Variants in PCDHGA7 observed in about 807,000 individuals in gnomAD.
PCDHGA7 encodes the protein protocadherin gamma-A7.
PCDHGA7 carries 44 observed loss-of-function variants against 58.3 expected under a neutral mutation model. The ratio of observed to expected loss-of-function variants is 0.75; its 90% CI spans 0.59 to 0.97. The LOEUF is 0.97. Among genes scored for constraint, PCDHGA7 ranks in the 50% least tolerant of loss-of-function variants. PCDHGA7 has a pLI of 0.00. For missense variants in PCDHGA7, 1,266 were observed against 1,188.7 expected, an observed-to-expected ratio of 1.06 and a Z score of -0.96; for synonymous variants, 516 against 504.2, an observed-to-expected ratio of 1.02 and a Z score of -0.31.
In PCDHGA7 at chr5:141,432,278, A is replaced by G. The variant is rs923930127; in HGVS notation, c.2424+46955A>G. On this transcript the variant is annotated intron_variant, in intron 1 of 3. Transcript: ENST00000518325. The surrounding 1 kb of genome is among the most constrained non-coding windows in gnomAD (Gnocchi z 6.0). ...GGCAAGCCTATCGTCCTACGTGTCC[A>G]TCAACTCCGACACTGGGGTACTGTA... 3.7e-5 allele frequency: 59 copies of G among 1,614,078 alleles called. No individual in the cohort carries two copies. Among genetic ancestry groups the G allele is most frequent in the Non-Finnish European group, 4.7e-5 (55 of 1,180,036 alleles).
chr5:141,447,849 G>A (rs2154561912), intron 1 of PCDHGA7, among the ~76,000 whole-genome samples: 1 of 152,306 alleles, frequency 6.6e-6, no homozygotes, highest in East Asian at 1.9e-4. Context: ...GCTTTGGGAG[G>A]CCGAGGTGGG....
chr5:141,431,146 T>G lies in PCDHGA7; in HGVS notation c.2424+45823T>G. On this transcript the variant is annotated intron_variant, in intron 1 of 3. Coordinates refer to ENST00000518325, the MANE Select transcript of PCDHGA7 (RefSeq NM_018920.4). The surrounding 1 kb of genome is among the most constrained non-coding windows in gnomAD (Gnocchi z 4.8). The stretch of plus-strand genomic sequence containing the variant: ...TAGAAGTAAGGGACATTAACGACAA[T>G]GCGCCTTACTTTCGTGAAAGTGAAT... 6.2e-7 allele frequency: 1 copy of G among 1,614,124 alleles called. No individual in the cohort carries two copies. Among genetic ancestry groups the G allele is most frequent in the African/African-American group, 1.3e-5 (1 of 75,022 alleles).
intron 1 of PCDHGA7, chr5:141,479,750 G>T: frequency 6.6e-6 from 1 of 152,310 alleles, no homozygotes. Context: ...CAATGTGAAA[G>T]GTAGATAAAT....
intron 1 of PCDHGA7, chr5:141,422,570 A>G: frequency 6.2e-7 from 1 of 1,614,012 alleles, no homozygotes; most frequent in African/African-American, 1.3e-5. Flanking sequence ...GATGACAACG[A>G]TAACCCTCCC....
At chr5:141,419,904 C>G (rs2096446397) in intron 1 of PCDHGA7, 2 of 1,614,108 alleles carry the variant, frequency 1.2e-6, no homozygotes, top group Non-Finnish European at 1.7e-6. Flanking sequence ...CCCACACCCT[C>G]TGACTCCCAG....
chr5:141,480,402 G>A (rs1268532373), intron 1 of PCDHGA7, among the ~76,000 whole-genome samples: 2 of 145,838 alleles, frequency 1.4e-5, no homozygotes, highest in African/African-American at 2.6e-5. Flanking sequence ...GCAATAGAGT[G>A]AGACCCTGTC....
intron 1 of PCDHGA7, among the ~76,000 whole-genome samples, chr5:141,458,065 GA>G (rs541812590): frequency 3.5e-3 from 534 of 152,242 alleles, no homozygotes; most frequent in Middle Eastern, 6.8e-3. Context: ...GCACTGATGC[GA>G]ACAACTATAT....
At chr5:141,465,792 T>A (rs1262092940) in intron 1 of PCDHGA7, among the ~76,000 whole-genome samples, 2 of 152,018 alleles carry the variant, frequency 1.3e-5, no homozygotes, top group Non-Finnish European at 2.9e-5. Flanking sequence ...TTTTTTTTTT[T>A]AAGAAACCCT....
chr5:141,413,533 C>T (rs777022301), intron 1 of PCDHGA7: 1 of 1,613,934 alleles, frequency 6.2e-7, no homozygotes, highest in Admixed American at 1.7e-5. Context: ...CAGGGTGAAA[C>T]TTTTTGGGAT....
At chr5:141,478,444 T>C (rs1190996745) in intron 1 of PCDHGA7, 1 of 1,613,478 alleles carries the variant, frequency 6.2e-7, no homozygotes, top group Non-Finnish European at 8.5e-7. Flanking sequence ...TGAAGAAACC[T>C]GGTGCAGCCA....
At chr5:141,403,227 G>A (rs2094378929) in intron 1 of PCDHGA7, 4 of 1,608,848 alleles carry the variant, frequency 2.5e-6, no homozygotes, top group African/African-American at 1.3e-5. Flanking sequence ...AGGATAGACC[G>A]GGAGGAGCTC....
chr5:141,429,169 TACACACACACACACACACAC>T (rs10667977), intron 1 of PCDHGA7: 4 of 145,394 alleles, frequency 2.8e-5, no homozygotes, highest in Non-Finnish European at 6.0e-5. Flanking sequence ...ACATTGTTTA[TACACACACACACACACACAC>T]ACACACACAC....
chr5:141,398,643 C>G, intron 1 of PCDHGA7: 2 of 1,614,024 alleles, frequency 1.2e-6, no homozygotes, highest in Non-Finnish European at 1.7e-6. Context: ...AGTATAAACT[C>G]TCTCTTAACC....
chr5:141,404,676 T>G lies in PCDHGA7; in HGVS notation c.2424+19353T>G, dbSNP rs904942152. The stretch of plus-strand genomic sequence containing the variant: ...CTCCCCACTGATGGTTCTACTGGTG[T>G]GGAGCTGGCACCCCGCTCTGCAGAG... On this transcript the variant is annotated intron_variant, in intron 1 of 3. Transcript: ENST00000518325. 3.1e-6 allele frequency: 5 copies of G among 1,614,010 alleles called. No individual in the cohort carries two copies. In the African/African-American group the frequency reaches 6.7e-5, roughly 22 times the overall value.
At chr5:141,419,849 T>C in intron 1 of PCDHGA7, 1 of 1,614,040 alleles carries the variant, frequency 6.2e-7, no homozygotes, top group East Asian at 2.2e-5. Context: ...GCACCTGGTG[T>C]TCGCAGATAG....
At chr5:141,499,247 A>C (rs908111927) in intron 2 of PCDHGA7, among the ~76,000 whole-genome samples, 1 of 152,036 alleles carries the variant, frequency 6.6e-6, no homozygotes, top group Non-Finnish European at 1.5e-5. Flanking sequence ...CTCTGCACAA[A>C]GAGTCTCCAT....
intron 1 of PCDHGA7, chr5:141,410,592 T>C: frequency 1.2e-6 from 2 of 1,609,264 alleles, no homozygotes; most frequent in Non-Finnish European, 1.7e-6. Context: ...GGGGAGGATT[T>C]GACTTCACAT....
intron 2 of PCDHGA7, among the ~76,000 whole-genome samples, chr5:141,504,869 C>T (rs919109041): frequency 6.6e-6 from 1 of 152,134 alleles, no homozygotes; most frequent in Admixed American, 6.5e-5. Flanking sequence ...CCCACCTTCA[C>T]AGTCCTCTGG....
intron 1 of PCDHGA7, chr5:141,410,320 C>A (rs752279818): frequency 6.2e-7 from 1 of 1,613,998 alleles, no homozygotes; most frequent in Non-Finnish European, 8.5e-7. Context: ...TCCTCCTCGC[C>A]GTGATTCTGG....
Sources: gnomAD v4.1 joint callset for allele counts (sites outside exome capture counted in the v4.1 genomes callset) on GRCh38, gnomAD v4.1.1 for gene constraint, Gnocchi (gnomAD v3.1) non-coding constraint, MANE v1.5 for transcripts, NCBI Gene and HGNC (gene_info 2026-07-23, HGNC 2026-07-21) for gene names.